The following KCNAB1 variants were observed in gnomAD, a reference collection of about 807,000 sequenced individuals.
KCNAB1 encodes potassium voltage-gated channel subfamily A regulatory beta subunit 1.
A neutral mutation model predicts 64.6 loss-of-function variants in KCNAB1; 35 were observed. That is an observed-to-expected ratio of 0.54 (90% CI 0.41 to 0.72). The LOEUF is 0.72. Among genes scored for constraint, KCNAB1 ranks in the 30% least tolerant of loss-of-function variants. KCNAB1 has a pLI of 0.00. For synonymous variants in KCNAB1, 177 were observed against 183.8 expected (o/e 0.96, Z 0.30); for missense variants, 401 against 512.9 (o/e 0.78, Z 2.11).
At chr3:156,453,608 G>A (rs1360023437) in intron 3 of KCNAB1, among the ~76,000 whole-genome samples, 1 of 152,132 alleles carries the variant, frequency 6.6e-6, no homozygotes, top group African/African-American at 2.4e-5. Flanking sequence ...AGTCAAAACA[G>A]TACTTACCAA....
At chr3:156,146,848 A>C (rs1357299016) in intron 1 of KCNAB1, among the ~76,000 whole-genome samples, 1 of 152,206 alleles carries the variant, frequency 6.6e-6, no homozygotes, top group Non-Finnish European at 1.5e-5. Context: ...GCCATACAAA[A>C]ACAGGTGGCA....
intron 1 of KCNAB1, among the ~76,000 whole-genome samples, chr3:156,143,983 A>G (rs1329494004): frequency 6.6e-6 from 1 of 152,018 alleles, no homozygotes; most frequent in Non-Finnish European, 1.5e-5. Flanking sequence ...GTTGTACACT[A>G]AACTTCCAAT....
In KCNAB1 at chr3:156,459,982, T is replaced by C. The variant is rs569332806; in HGVS notation, c.482+111T>C. 28 of 727,656 alleles carry C rather than the reference T, an allele frequency of 3.8e-5. No homozygotes were observed. The East Asian group carries it at 7.7e-4, about 20-fold the overall frequency. The allele number at this position is 727,656 out of a possible 1,614,324, so 45.1% of individuals were successfully genotyped here. The stretch of plus-strand genomic sequence containing the variant: ...CAAAAGGCTGTCAAAAAAAATCAAC[T>C]GTTTTTAAAGCAATGATTTATAGTG... On this transcript the variant is annotated intron_variant, in intron 5 of 13. Coordinates refer to ENST00000490337, the MANE Select transcript of KCNAB1 (RefSeq NM_172160.3).
At chr3:156,417,284 A>C (rs1715143273) in intron 1 of KCNAB1, among the ~76,000 whole-genome samples, 1 of 152,240 alleles carries the variant, frequency 6.6e-6, no homozygotes, top group African/African-American at 2.4e-5. Flanking sequence ...TATAATTCAG[A>C]AGGATCAGAA....
At chr3:156,431,635 T>C (rs957691690) in intron 2 of KCNAB1, among the ~76,000 whole-genome samples, 1 of 152,212 alleles carries the variant, frequency 6.6e-6, no homozygotes, top group Non-Finnish European at 1.5e-5. Context: ...CTCAGTTCTT[T>C]TCAGGCGTAT....
chr3:156,281,953 GTC>G (rs1163565877), intron 1 of KCNAB1, among the ~76,000 whole-genome samples: 2 of 149,420 alleles, frequency 1.3e-5, no homozygotes, highest in African/African-American at 5.0e-5. Context: ...GGTTTTTTGT[GTC>G]TCTATTTCCT....
intron 6 of KCNAB1, 43 bp from the exon 7 acceptor site, chr3:156,465,600 A>C (rs1481744763): frequency 1.3e-6 from 2 of 1,567,478 alleles, no homozygotes; most frequent in South Asian, 1.1e-5. Flanking sequence ...AAGAAAAGAA[A>C]GCACACTCTC....
intron 2 of KCNAB1, among the ~76,000 whole-genome samples, chr3:156,437,541 G>A (rs548881614): frequency 2.6e-4 from 39 of 152,216 alleles, no homozygotes; most frequent in South Asian, 6.2e-4. Context: ...AAAGTGATGC[G>A]TCCCACTTGC....
At chr3:156,493,080 G>A (rs56115936) in intron 8 of KCNAB1, among the ~76,000 whole-genome samples, 17,418 of 152,048 alleles carry the variant, frequency 0.11, 2,776 homozygotes, top group African/African-American at 0.36. Flanking sequence ...ATTAAATATG[G>A]CTGTGTCTGT....
intron 1 of KCNAB1, among the ~76,000 whole-genome samples, chr3:156,335,490 C>T (rs934406612): frequency 1.3e-5 from 2 of 152,212 alleles, no homozygotes; most frequent in African/African-American, 4.8e-5. Flanking sequence ...GAGTTCCTTG[C>T]CATTGAGGAC....
At chr3:156,297,758 G>A (rs757025290) in intron 1 of KCNAB1, among the ~76,000 whole-genome samples, 5 of 152,030 alleles carry the variant, frequency 3.3e-5, no homozygotes, top group Non-Finnish European at 7.4e-5. Flanking sequence ...GGCACTTAGC[G>A]CGTGTGTGTG....
rs571114559 is a variant in KCNAB1, at chr3:156,436,962, G to A, written c.319+15303G>A. ...TGTTTTTGTTGGAATTGCTTTTGAT[G>A]TTTTTGTCAGGAAGTCTTTGCCTGT... On this transcript the variant is annotated intron_variant, in intron 2 of 13. Coordinates refer to ENST00000490337, the MANE Select transcript of KCNAB1 (RefSeq NM_172160.3). Among the ~76,000 whole-genome samples, 7 of 152,208 alleles carry A rather than the reference G, an allele frequency of 4.6e-5. 1 individual carries two copies. The South Asian group carries it at 1.0e-3, about 23-fold the overall frequency.
At chr3:156,401,959 A>G (rs928598566) in intron 1 of KCNAB1, among the ~76,000 whole-genome samples, 2 of 152,054 alleles carry the variant, frequency 1.3e-5, no homozygotes, top group Non-Finnish European at 2.9e-5. Flanking sequence ...GAAAAGAAAA[A>G]GTGTTACAGG....
chr3:156,534,502 A>G (rs1001288057), intron 13 of KCNAB1, among the ~76,000 whole-genome samples: 1 of 152,084 alleles, frequency 6.6e-6, no homozygotes, highest in Non-Finnish European at 1.5e-5. Context: ...CCCATCAGAG[A>G]AGGCCAGGCT....
intron 8 of KCNAB1, among the ~76,000 whole-genome samples, chr3:156,476,522 T>TATAC (rs1292559763): frequency 1.0e-4 from 15 of 147,564 alleles, no homozygotes; most frequent in East Asian, 4.0e-4. Context: ...TATATATATA[T>TATAC]ACACACACAC....
rs911921649 is a variant in KCNAB1 at position 156,325,916 on chromosome 3, A to G, written c.276-95700A>G. Among the ~76,000 whole-genome samples, 135 of 152,260 alleles carry G rather than the reference A, an allele frequency of 8.9e-4. 2 individuals are homozygous for G. Among genetic ancestry groups the G allele is most frequent in the Non-Finnish European group, 2.5e-4 (17 of 67,980 alleles). Reference sequence around the variant, plus strand: ...ACAAACTTCTCCTCATATTTCCTCAAGTAAGTTGGGGTTTACAAAAAGGAT... The same window carrying G: ...ACAAACTTCTCCTCATATTTCCTCAGGTAAGTTGGGGTTTACAAAAAGGAT... On this transcript the variant is annotated intron_variant, in intron 1 of 13. Transcript: ENST00000490337.
chr3:156,156,137 G>C (rs547814447), intron 1 of KCNAB1, among the ~76,000 whole-genome samples: 2 of 152,186 alleles, frequency 1.3e-5, no homozygotes, highest in South Asian at 2.1e-4. Flanking sequence ...AGACTATCTC[G>C]TAGGGCCTTA....
intron 1 of KCNAB1, among the ~76,000 whole-genome samples, chr3:156,131,034 T>C (rs1289398555): frequency 6.6e-6 from 1 of 152,172 alleles, no homozygotes; most frequent in African/African-American, 2.4e-5. Context: ...AGAATTTGAG[T>C]TTAAGTCAGG....
At chr3:156,179,428 A>T (rs5013282) in intron 1 of KCNAB1, among the ~76,000 whole-genome samples, 1 of 91,384 alleles carries the variant, frequency 1.1e-5, no homozygotes, top group African/African-American at 4.3e-5. Flanking sequence ...CCCCCCCCCC[A>T]CCCCCTCACC....
Sources: allele counts gnomAD v4.1 joint callset (sites outside exome capture counted in the v4.1 genomes callset), GRCh38; gene constraint gnomAD v4.1.1; transcripts MANE v1.5; gene names NCBI Gene and HGNC (gene_info 2026-07-23, HGNC 2026-07-21).